The following CPQ variants were observed in gnomAD, a reference collection of about 807,000 sequenced individuals.
The protein encoded by CPQ is Ser-Met dipeptidase.
In CPQ, 37 loss-of-function variants were observed where a neutral mutation model predicts 45.7. The ratio of observed to expected loss-of-function variants is 0.81; its 90% CI spans 0.62 to 1.07. The LOEUF is 1.07. CPQ is among the 50% of genes least tolerant of loss of function. The probability of loss-of-function intolerance (pLI) is 0.00; values close to 1 mark genes in which losing one functional copy is unlikely to be tolerated. For synonymous variants in CPQ, 186 were observed against 205.8 expected (o/e 0.90, Z 0.82); for missense variants, 537 against 572.9 (o/e 0.94, Z 0.64).
rs546369724 is a variant in CPQ, at chr8:96,906,651, T to C, written c.849+26646T>C. On this transcript the variant is annotated intron_variant, in intron 4 of 7. Coordinates refer to ENST00000220763, the MANE Select transcript of CPQ (RefSeq NM_016134.4). ...AGGAGCTAGCTGACTCAGTGTCTGA[T>C]GAAGGCTCACTTTCTCATAGATGGG... 2.6e-5 allele frequency among the ~76,000 whole-genome samples: 4 copies of C among 152,300 alleles called. No individual in the cohort carries two copies. In the South Asian group the frequency reaches 6.2e-4, roughly 24 times the overall value.
chr8:97,010,249 T>A (rs1319013172), intron 5 of CPQ, among the ~76,000 whole-genome samples: 1 of 152,214 alleles, frequency 6.6e-6, no homozygotes, highest in African/African-American at 2.4e-5. Flanking sequence ...CTTTCGTATG[T>A]CAGAGAATGG....
intron 6 of CPQ, among the ~76,000 whole-genome samples, chr8:97,053,376 G>T (rs185779921): frequency 2.0e-5 from 3 of 152,304 alleles, no homozygotes; most frequent in Admixed American, 2.0e-4. Flanking sequence ...TAGAGTACAT[G>T]AGGAGGGGGC....
At chr8:96,855,846 C>T (rs915555388) in intron 3 of CPQ, among the ~76,000 whole-genome samples, 1 of 152,120 alleles carries the variant, frequency 6.6e-6, no homozygotes, top group Non-Finnish European at 1.5e-5. Flanking sequence ...TAGATACACC[C>T]GTTAGGGAAG....
At chr8:96,755,742 TTTG>T (rs1458667023) in intron 1 of CPQ, among the ~76,000 whole-genome samples, 2 of 151,938 alleles carry the variant, frequency 1.3e-5, no homozygotes, top group East Asian at 1.9e-4. Flanking sequence ...AAATCGAAAT[TTTG>T]TTGTTTTATT....
intron 1 of CPQ, among the ~76,000 whole-genome samples, chr8:96,774,896 A>G (rs758105735): frequency 1.3e-5 from 2 of 152,226 alleles, no homozygotes; most frequent in Non-Finnish European, 2.9e-5. Flanking sequence ...TTGGAAATGT[A>G]TTCAGATACA....
At chr8:96,774,938 G>C (rs975563369) in intron 1 of CPQ, among the ~76,000 whole-genome samples, 3 of 152,162 alleles carry the variant, frequency 2.0e-5, no homozygotes, top group Admixed American at 6.6e-5. Context: ...GTGGCTAAAA[G>C]AAATAGAGTT....
intron 4 of CPQ, among the ~76,000 whole-genome samples, chr8:96,912,976 A>G (rs1812687592): frequency 6.6e-6 from 1 of 152,176 alleles, no homozygotes; most frequent in Non-Finnish European, 1.5e-5. Flanking sequence ...TGTAGAGGCC[A>G]GGACCAACTG....
chr8:96,896,915 T>G (rs1243610587), intron 4 of CPQ, among the ~76,000 whole-genome samples: 2 of 152,218 alleles, frequency 1.3e-5, no homozygotes, highest in Non-Finnish European at 2.9e-5. Context: ...TTTAAGATTG[T>G]TATGGGTTTC....
intron 6 of CPQ, among the ~76,000 whole-genome samples, chr8:97,054,559 G>A (rs953518425): frequency 6.6e-6 from 1 of 152,182 alleles, no homozygotes; most frequent in Non-Finnish European, 1.5e-5. Flanking sequence ...AAGAAAATGT[G>A]TTACATACAT....
At chr8:96,829,742 C>A (rs1171699057) in intron 2 of CPQ, among the ~76,000 whole-genome samples, 1 of 152,050 alleles carries the variant, frequency 6.6e-6, no homozygotes, top group Non-Finnish European at 1.5e-5. Context: ...GATTTATGTT[C>A]TCTCATGAAA....
At chr8:96,762,725 T>G (rs1810420179) in intron 1 of CPQ, among the ~76,000 whole-genome samples, 2 of 152,238 alleles carry the variant, frequency 1.3e-5, no homozygotes, top group South Asian at 2.1e-4. Flanking sequence ...TCAGTTCAAT[T>G]TATTAATTTT....
chr8:97,139,198 G>C (rs537465300), intron 7 of CPQ, among the ~76,000 whole-genome samples: 95 of 152,162 alleles, frequency 6.2e-4, no homozygotes, highest in African/African-American at 2.1e-3. Flanking sequence ...ATTTACCAGG[G>C]ATACATAATT....
chr8:96,817,699 G>T (rs547459581), intron 2 of CPQ, among the ~76,000 whole-genome samples: 1 of 151,698 alleles, frequency 6.6e-6, no homozygotes, highest in East Asian at 2.0e-4. Flanking sequence ...CTGCAGCCTT[G>T]ATCTCCCAGG....
At chr8:96,799,884 CT>C (rs1198941751) in intron 2 of CPQ, among the ~76,000 whole-genome samples, 3 of 152,180 alleles carry the variant, frequency 2.0e-5, no homozygotes, top group Non-Finnish European at 4.4e-5. Context: ...CATGGTAGAT[CT>C]TTTTGCCCAT....
chr8:97,040,201 T>A (rs1185153272), intron 6 of CPQ, among the ~76,000 whole-genome samples: 1 of 151,898 alleles, frequency 6.6e-6, no homozygotes, highest in Non-Finnish European at 1.5e-5. Flanking sequence ...GGTATCTCAT[T>A]GTGGTTTTGA....
intron 5 of CPQ, among the ~76,000 whole-genome samples, chr8:96,983,621 T>A (rs1488978933): frequency 2.0e-5 from 3 of 152,172 alleles, no homozygotes; most frequent in Non-Finnish European, 4.4e-5. Context: ...ACTGTGTCAT[T>A]TGAAAGAAGT....
chr8:96,845,391 A>G (rs1378538607), intron 3 of CPQ, among the ~76,000 whole-genome samples: 1 of 152,210 alleles, frequency 6.6e-6, no homozygotes, highest in Non-Finnish European at 1.5e-5. Flanking sequence ...TACTTAAGAG[A>G]TATTGATTGA....
At chr8:96,953,823 T>G (rs1813309053) in intron 4 of CPQ, among the ~76,000 whole-genome samples, 1 of 152,136 alleles carries the variant, frequency 6.6e-6, no homozygotes, top group South Asian at 2.1e-4. Flanking sequence ...CGCTATCAAC[T>G]CACCCTCTCA....
intron 4 of CPQ, among the ~76,000 whole-genome samples, chr8:96,895,264 T>C (rs1812429380): frequency 6.6e-6 from 1 of 152,170 alleles, no homozygotes; most frequent in Admixed American, 6.5e-5. Context: ...AAAAGAAGTT[T>C]TACTTGGAAA....
Sources: gnomAD v4.1 joint callset for allele counts (sites outside exome capture counted in the v4.1 genomes callset) on GRCh38, gnomAD v4.1.1 for gene constraint, MANE v1.5 for transcripts, NCBI Gene and HGNC (gene_info 2026-07-23, HGNC 2026-07-21) for gene names.